The following WWTR1 variants were observed in gnomAD, a reference collection of about 807,000 sequenced individuals.
The protein encoded by WWTR1 is WW domain containing transcription regulator 1.
WWTR1 carries 13 observed loss-of-function variants against 40.1 expected under a neutral mutation model. The observed-to-expected ratio is 0.32, with a 90% CI of 0.21 to 0.52. The LOEUF is 0.52. Ranked by LOEUF, WWTR1 falls within the 20% of genes least tolerant of loss-of-function variation. The pLI is 0.97. For synonymous variants in WWTR1, 230 were observed against 210.1 expected, an observed-to-expected ratio of 1.09 and a Z score of -0.82; for missense variants, 436 against 523.1, an observed-to-expected ratio of 0.83 and a Z score of 1.63.
intron 2 of WWTR1, among the ~76,000 whole-genome samples, chr3:149,579,620 TG>T (rs923131916): frequency 2.0e-5 from 3 of 152,018 alleles, no homozygotes; most frequent in Admixed American, 2.0e-4. Flanking sequence ...GAGACCAGCT[TG>T]GGCAACATAA....
chr3:149,644,278 ACTT>A lies in WWTR1; in HGVS notation c.431+12595_431+12597del, dbSNP rs548714717. 1.6e-3 allele frequency among the ~76,000 whole-genome samples: 247 copies of A among 152,262 alleles called. 1 individual carries two copies. The highest frequency in any genetic ancestry group is 2.7e-3 in the Non-Finnish European group (186 of 68,020). On this transcript the variant is annotated intron_variant, in intron 2 of 6. Coordinates refer to ENST00000360632, the MANE Select transcript of WWTR1 (RefSeq NM_015472.6). ...TCCCTTCAGTGATTAAAATGATCTC[ACTT>A]CTTCTCTTTTCCAGCACCACTAAAG...
At chr3:149,696,857 A>G (rs183208848) in intron 1 of WWTR1, among the ~76,000 whole-genome samples, 3 of 152,230 alleles carry the variant, frequency 2.0e-5, no homozygotes, top group Admixed American at 2.0e-4. Context: ...ACCCCTCCCC[A>G]GTCACCTTGG....
At chr3:149,679,218 T>C (rs1331459688) in intron 1 of WWTR1, among the ~76,000 whole-genome samples, 2 of 152,220 alleles carry the variant, frequency 1.3e-5, no homozygotes, top group East Asian at 1.9e-4. Flanking sequence ...CTGACTTCTG[T>C]TGGGTTGGCG....
chr3:149,678,822 ATTTTTTT>A (rs57101843), intron 1 of WWTR1, among the ~76,000 whole-genome samples: 5 of 135,556 alleles, frequency 3.7e-5, no homozygotes, highest in East Asian at 4.3e-4. Context: ...GTTCACAAGT[ATTTTTTT>A]TTTTTTTTTT....
In WWTR1 at chr3:149,527,867, T is replaced by A. The variant is rs144835358; in HGVS notation, c.874A>T (p.Thr292Ser). ...AGGAAAGGATCTGAGCTATTATTAGTGATGGATCTCATGTCTGGGGTCATC... is the reference window on the plus strand; with the variant it reads ...AGGAAAGGATCTGAGCTATTATTAGAGATGGATCTCATGTCTGGGGTCATC... ...PTMTPDMRSI[T>S]NNSSDPFLNG... Residue 292 changes from threonine to serine, a missense_variant, in exon 5 of 7, where the codon ACT becomes TCT. Thr to Ser is a moderately conservative substitution (Grantham distance 58, BLOSUM62 1). Transcript: ENST00000360632. The A allele has an allele frequency of 6.2e-7, 1 of 1,614,016 alleles. No individual in the cohort carries two copies. The highest frequency in any genetic ancestry group is 1.3e-5 in the African/African-American group (1 of 74,920).
At chr3:149,678,811 T>G (rs1281767298) in intron 1 of WWTR1, among the ~76,000 whole-genome samples, 3 of 148,108 alleles carry the variant, frequency 2.0e-5, no homozygotes, top group African/African-American at 7.5e-5. Flanking sequence ...TATATTAACG[T>G]GTTCACAAGT....
At chr3:149,647,716 A>C (rs7638858) in intron 2 of WWTR1, among the ~76,000 whole-genome samples, 94,289 of 151,500 alleles carry the variant, frequency 0.62, 29,471 homozygotes, top group East Asian at 0.72. Flanking sequence ...AAAAGACCAT[A>C]ATTTCCAGAC....
At chr3:149,624,422 A>C (rs1055215510) in intron 2 of WWTR1, among the ~76,000 whole-genome samples, 2 of 152,136 alleles carry the variant, frequency 1.3e-5, no homozygotes, top group Admixed American at 6.5e-5. Context: ...TGTGAGCTAG[A>C]CCTCTGTCAT....
intron 2 of WWTR1, among the ~76,000 whole-genome samples, chr3:149,594,736 CCA>C (rs112400903): frequency 4.0e-5 from 6 of 149,208 alleles, no homozygotes; most frequent in Admixed American, 6.7e-5. Flanking sequence ...CACACACACA[CCA>C]CACACACACA....
At chr3:149,699,254 T>C (rs1320365780) in intron 1 of WWTR1, among the ~76,000 whole-genome samples, 1 of 152,160 alleles carries the variant, frequency 6.6e-6, no homozygotes, top group Non-Finnish European at 1.5e-5. Context: ...GCTTTGTTGC[T>C]TAGAAATTTC....
At chr3:149,641,188 G>A (rs1001984193) in intron 2 of WWTR1, among the ~76,000 whole-genome samples, 3 of 152,138 alleles carry the variant, frequency 2.0e-5, no homozygotes, top group African/African-American at 7.2e-5. Context: ...TGTAATAAGT[G>A]TCAGTAAATA....
upstream of WWTR1, among the ~76,000 whole-genome samples, chr3:149,706,823 G>T (rs1301611976): frequency 3.3e-5 from 5 of 152,152 alleles, no homozygotes; most frequent in African/African-American, 7.2e-5. Context: ...GAAAAGGAAG[G>T]TCTCAGTGAT....
intron 3 of WWTR1, among the ~76,000 whole-genome samples, chr3:149,557,645 CT>C (rs907860740): frequency 6.6e-5 from 10 of 152,152 alleles, no homozygotes; most frequent in African/African-American, 2.4e-4. Context: ...TTTTCCCTGG[CT>C]TTTTTTCTCA....
At position 149,695,739 on chromosome 3, in the gene WWTR1, C is replaced by T. The variant is rs1288439854; in HGVS notation, c.-108+7385G>A. On this transcript the variant is annotated intron_variant, in intron 1 of 7. Coordinates refer to the WWTR1 transcript ENST00000465804. ...TCATACCACTGCACTCCAGCCTGGGCGACAGAGCAAGGCTCCATCTCAAAA... is the reference window on the plus strand; with the variant it reads ...TCATACCACTGCACTCCAGCCTGGGTGACAGAGCAAGGCTCCATCTCAAAA... Among the ~76,000 whole-genome samples, 18 of 134,160 alleles carry T rather than the reference C, an allele frequency of 1.3e-4. No individual in the cohort carries two copies. The South Asian group carries it at 2.3e-3, about 17-fold the overall frequency. The allele number at this position is 134,160 out of a possible 152,430, so 88.0% of individuals were successfully genotyped here. A position where few individuals can be genotyped will look rare whatever the true frequency, so the allele number is the denominator to read the frequency against.
chr3:149,680,880 T>C (rs1436201950), intron 1 of WWTR1, among the ~76,000 whole-genome samples: 2 of 152,170 alleles, frequency 1.3e-5, no homozygotes, highest in African/African-American at 2.4e-5. Context: ...TTTTAACATA[T>C]GTATTATGTA....
chr3:149,527,586 C>T (rs961256311), intron 5 of WWTR1, among the ~76,000 whole-genome samples: 4 of 152,128 alleles, frequency 2.6e-5, no homozygotes, highest in Non-Finnish European at 4.4e-5. Flanking sequence ...AAGTTCATGC[C>T]CATTTTCAAA....
chr3:149,588,769 T>C (rs1738557495), intron 2 of WWTR1, among the ~76,000 whole-genome samples: 1 of 152,218 alleles, frequency 6.6e-6, no homozygotes, highest in African/African-American at 2.4e-5. Flanking sequence ...TAAAAAATGA[T>C]GCTGCATTCC....
chr3:149,537,348 A>G (rs1173304320), intron 4 of WWTR1, among the ~76,000 whole-genome samples: 1 of 152,232 alleles, frequency 6.6e-6, no homozygotes, highest in Non-Finnish European at 1.5e-5. Context: ...AGAGGCAACA[A>G]AGCAGTATTA....
At chr3:149,703,228 T>C (rs1715249287) in exon 1 of WWTR1, 1 of 152,342 alleles carries the variant, frequency 6.6e-6, no homozygotes, top group African/African-American at 2.4e-5. Flanking sequence ...TGAGTCAATA[T>C]AAGGCCTTGT....
Sources: allele counts gnomAD v4.1 joint callset (sites outside exome capture counted in the v4.1 genomes callset), GRCh38; gene constraint gnomAD v4.1.1; transcripts MANE v1.5; gene names NCBI Gene and HGNC (gene_info 2026-07-23, HGNC 2026-07-21).